PTPRD: variants seen among roughly 807,000 people sequenced by gnomAD.
The protein encoded by PTPRD is receptor-type tyrosine-protein phosphatase delta.
A neutral mutation model predicts 214.5 loss-of-function variants in PTPRD; 34 were observed. The ratio of observed to expected loss-of-function variants is 0.16; its 90% CI spans 0.12 to 0.21. The LOEUF (loss-of-function observed/expected upper bound fraction) is 0.21. Among genes scored for constraint, PTPRD ranks in the 10% least tolerant of loss-of-function variants. The pLI is 1.00. For missense variants in PTPRD, 2,545 were observed against 2,398.7 expected (o/e 1.06, Z -1.27); for synonymous variants, 1,128 against 845.7 (o/e 1.33, Z -5.79).
At chr9:10,381,038 G>C (rs1043682397) in intron 2 of PTPRD, among the ~76,000 whole-genome samples, 1 of 151,368 alleles carries the variant, frequency 6.6e-6, no homozygotes, top group Non-Finnish European at 1.5e-5. Flanking sequence ...TTAGTAGGAC[G>C]CTCAACTCAG....
rs532898862 is a variant in PTPRD at position 8,327,548 on chromosome 9, A to G, written c.5534+4034T>C. 2.0e-5 allele frequency among the ~76,000 whole-genome samples: 3 copies of G among 152,270 alleles called. No individual in the cohort carries two copies. In the South Asian group the frequency reaches 6.2e-4, roughly 32 times the overall value. ...GAGAGTTCTGTAGATGTGTATTATT[A>G]GGTCTGCTTGGTCCAGAGCTGTGTT... On this transcript the variant is annotated intron_variant, in intron 44 of 45. Transcript: ENST00000381196.
chr9:9,363,594 T>C (rs1388775988), intron 9 of PTPRD, among the ~76,000 whole-genome samples: 6 of 151,240 alleles, frequency 4.0e-5, no homozygotes, highest in Non-Finnish European at 8.9e-5. Flanking sequence ...TAGGTGTTAG[T>C]ACAATAGGTA....
chr9:8,467,561 C>A (rs1177346311), intron 31 of PTPRD, among the ~76,000 whole-genome samples: 1 of 151,518 alleles, frequency 6.6e-6, no homozygotes, highest in Non-Finnish European at 1.5e-5. Flanking sequence ...TAATTAGACT[C>A]AATTACTGAA....
chr9:8,435,505 C>G (rs1446014860), intron 35 of PTPRD, among the ~76,000 whole-genome samples: 1 of 152,070 alleles, frequency 6.6e-6, no homozygotes, highest in African/African-American at 2.4e-5. Flanking sequence ...ACCCAATAAC[C>G]TTTTATTATT....
chr9:9,906,093 A>G (rs987467466), intron 5 of PTPRD, among the ~76,000 whole-genome samples: 4 of 152,010 alleles, frequency 2.6e-5, no homozygotes, highest in African/African-American at 9.7e-5. Context: ...CTGCGAGGCA[A>G]ACTCCTGGAG....
At chr9:8,708,337 C>T (rs184501363) in intron 12 of PTPRD, among the ~76,000 whole-genome samples, 145 of 152,134 alleles carry the variant, frequency 9.5e-4, no homozygotes, top group Non-Finnish European at 1.3e-3. Flanking sequence ...TAAATTAGTA[C>T]AGCCATTATA....
chr9:8,857,621 C>G (rs1189287121), intron 11 of PTPRD: 1 of 153,610 alleles, frequency 6.5e-6, no homozygotes, highest in Non-Finnish European at 1.5e-5. Context: ...CGGACGGGGT[C>G]AGTTCCAGGG....
In PTPRD at chr9:9,395,770, C is replaced by T. The variant is rs184029111; in HGVS notation, c.-203+1679G>A. Among the ~76,000 whole-genome samples, 64 of 152,060 alleles carry T rather than the reference C, an allele frequency of 4.2e-4. 1 individual carries two copies. The highest frequency in any genetic ancestry group is 1.9e-4 in the African/African-American group (8 of 41,520). On this transcript the variant is annotated intron_variant, in intron 9 of 45. Coordinates refer to ENST00000381196, the MANE Select transcript of PTPRD (RefSeq NM_002839.4). The stretch of plus-strand genomic sequence containing the variant: ...TCACAACGTCAGTAGGAATGTGGTA[C>T]GAAACCAAAAGCATTTTATCACATT...
chr9:8,370,521 C>G (rs1415508915), intron 39 of PTPRD, among the ~76,000 whole-genome samples: 1 of 152,084 alleles, frequency 6.6e-6, no homozygotes, highest in Non-Finnish European at 1.5e-5. Flanking sequence ...ACTTGGAAAA[C>G]AGTAATGGCT....
At chr9:9,949,118 G>A (rs1165006657) in intron 4 of PTPRD, among the ~76,000 whole-genome samples, 1 of 151,970 alleles carries the variant, frequency 6.6e-6, no homozygotes, top group Non-Finnish European at 1.5e-5. Context: ...AAGGGGAAGA[G>A]ATGGAAGCAA....
intron 7 of PTPRD, among the ~76,000 whole-genome samples, chr9:9,667,710 G>A (rs1222816716): frequency 6.6e-6 from 1 of 152,078 alleles, no homozygotes; most frequent in African/African-American, 2.4e-5. Flanking sequence ...TTAGAGAACT[G>A]GTCACCAAGC....
intron 8 of PTPRD, among the ~76,000 whole-genome samples, chr9:9,486,724 C>G (rs932289800): frequency 6.6e-6 from 1 of 152,146 alleles, no homozygotes; most frequent in Non-Finnish European, 1.5e-5. Context: ...AATTTTGCTT[C>G]TTCCCAAAGA....
At chr9:10,587,449 G>A (rs963456788) in intron 2 of PTPRD, among the ~76,000 whole-genome samples, 4 of 152,016 alleles carry the variant, frequency 2.6e-5, no homozygotes, top group Non-Finnish European at 5.9e-5. Flanking sequence ...CATATCATAA[G>A]AGTGAAAATT....
chr9:10,589,464 A>C (rs1430633505), intron 2 of PTPRD, among the ~76,000 whole-genome samples: 1 of 152,178 alleles, frequency 6.6e-6, no homozygotes, highest in South Asian at 2.1e-4. Context: ...CTTATAAGTA[A>C]AACTGAAGAA....
At chr9:10,361,246 C>T (rs2097383295) in intron 2 of PTPRD, among the ~76,000 whole-genome samples, 1 of 152,150 alleles carries the variant, frequency 6.6e-6, no homozygotes, top group African/African-American at 2.4e-5. Flanking sequence ...CTTCCATCTG[C>T]TTTCAATCTG....
intron 12 of PTPRD, among the ~76,000 whole-genome samples, chr9:8,705,646 C>A (rs2098190563): frequency 6.6e-6 from 1 of 152,106 alleles, no homozygotes. Flanking sequence ...AGCAGTTAAA[C>A]ACATAACAAA....
intron 11 of PTPRD, among the ~76,000 whole-genome samples, chr9:8,881,950 A>G (rs1237932188): frequency 6.6e-6 from 1 of 152,164 alleles, no homozygotes; most frequent in Non-Finnish European, 1.5e-5. Flanking sequence ...CTCACCAAGA[A>G]CCATGTTTTT....
At chr9:10,147,369 T>C (rs1343921233) in intron 3 of PTPRD, among the ~76,000 whole-genome samples, 1 of 152,162 alleles carries the variant, frequency 6.6e-6, no homozygotes, top group Non-Finnish European at 1.5e-5. Flanking sequence ...TGACTATAAA[T>C]CATGCTGCTA....
At chr9:10,388,483 A>G (rs1368629983) in intron 2 of PTPRD, among the ~76,000 whole-genome samples, 1 of 17,222 alleles carries the variant, frequency 5.8e-5, no homozygotes, top group Non-Finnish European at 3.9e-4. Flanking sequence ...TAATTAGCAA[A>G]AAAAAAAAAA....
Sources: allele counts gnomAD v4.1 joint callset (sites outside exome capture counted in the v4.1 genomes callset), GRCh38; gene constraint gnomAD v4.1.1; transcripts MANE v1.5; gene names NCBI Gene and HGNC (gene_info 2026-07-23, HGNC 2026-07-21).